AFF2: variants seen among roughly 807,000 people sequenced by gnomAD.
AFF2 encodes the protein AF4/FMR2 family member 2.
In AFF2, 14 loss-of-function variants were observed where a neutral mutation model predicts 76.9. That is an observed-to-expected ratio of 0.18 (90% CI 0.12 to 0.28). The LOEUF (loss-of-function observed/expected upper bound fraction) is 0.28. AFF2 is among the 10% of genes least tolerant of loss of function. The pLI, the probability that AFF2 is intolerant of heterozygous loss-of-function variation, is 1.00. For synonymous variants in AFF2, 398 were observed against 366.7 expected, an observed-to-expected ratio of 1.09 and a Z score of -0.98; for missense variants, 868 against 1,001.1, an observed-to-expected ratio of 0.87 and a Z score of 1.79.
chrX:148,557,269 T>C (rs2053062108), intron 1 of AFF2, among the ~76,000 whole-genome samples: 2 of 112,509 alleles, frequency 1.8e-5, no homozygotes, highest in African/African-American at 6.5e-5. Flanking sequence ...CATTGTCTTA[T>C]AGTTATACAT....
At chrX:148,670,954 T>C (rs963845883) in intron 3 of AFF2, among the ~76,000 whole-genome samples, 1 of 111,859 alleles carries the variant, frequency 8.9e-6, no homozygotes, top group African/African-American at 3.2e-5. Context: ...TTAAAGAGTA[T>C]GCAAATACTT....
At chrX:148,729,785 C>T (rs1557264530) in intron 3 of AFF2, among the ~76,000 whole-genome samples, 1 of 112,052 alleles carries the variant, frequency 8.9e-6, no homozygotes, top group Admixed American at 9.5e-5. Context: ...AGGCACTTTA[C>T]TCTCAATTGC....
At chrX:148,535,619 CTTTA>C (rs1250198595) in intron 1 of AFF2, among the ~76,000 whole-genome samples, 2 of 112,586 alleles carry the variant, frequency 1.8e-5, no homozygotes, top group African/African-American at 6.4e-5. Flanking sequence ...TATTATTTTT[CTTTA>C]TTTATTTTTA....
At chrX:148,987,311 C>T in intron 19 of AFF2, 56 bp from the exon 20 acceptor site, 1 of 1,086,043 alleles carries the variant, frequency 9.2e-7, no homozygotes, top group Non-Finnish European at 1.3e-6. Flanking sequence ...GGCCTAGAAC[C>T]CCACTGTCAC....
Position 148,951,327 on chromosome X carries a change from A to AT in AFF2, c.1398-2246dup, listed in dbSNP as rs782299144. On this transcript the variant is annotated intron_variant, in intron 9 of 20. Coordinates refer to ENST00000370460, the MANE Select transcript of AFF2 (RefSeq NM_002025.4). ...TGGTTTTGAAGGAGTAATCCCAGGG[A>AT]TTTTTTTGTTTCTTACAGAAGTTGC... Among the ~76,000 whole-genome samples, 5 of 110,370 alleles carry AT rather than the reference A, an allele frequency of 4.5e-5. No homozygotes were observed. In the East Asian group the frequency reaches 1.4e-3, roughly 31 times the overall value.
chrX:148,928,374 T>G (rs1011799190), intron 9 of AFF2, among the ~76,000 whole-genome samples: 3 of 112,583 alleles, frequency 2.7e-5, no homozygotes, highest in Admixed American at 1.9e-4. Context: ...GCTTACATTA[T>G]GTAGAGAGAC....
At chrX:148,502,236 C>T (rs2052362013) in intron 1 of AFF2, among the ~76,000 whole-genome samples, 1 of 112,229 alleles carries the variant, frequency 8.9e-6, no homozygotes, top group Non-Finnish European at 1.9e-5. Flanking sequence ...TTAGAATGAT[C>T]TGTAGTACCT....
chrX:148,760,342 A>G (rs1443471359), intron 3 of AFF2, among the ~76,000 whole-genome samples: 1 of 112,135 alleles, frequency 8.9e-6, no homozygotes, highest in Non-Finnish European at 1.9e-5. Context: ...GGAGTTTTCT[A>G]TGGGCCTTCT....
chrX:148,773,059 AAAAAAT>A (rs1285362004), intron 3 of AFF2, among the ~76,000 whole-genome samples: 2 of 110,853 alleles, frequency 1.8e-5, no homozygotes, highest in African/African-American at 3.3e-5. Context: ...AGAAATGAAG[AAAAAAT>A]AAAAATAAAG....
chrX:148,952,177 G>A (rs1264093980), intron 9 of AFF2, among the ~76,000 whole-genome samples: 3 of 111,438 alleles, frequency 2.7e-5, no homozygotes, highest in African/African-American at 9.8e-5. Flanking sequence ...AGAGGCTCTA[G>A]TGAGGGCATA....
At chrX:148,567,771 C>T (rs1287961800) in intron 1 of AFF2, among the ~76,000 whole-genome samples, 8 of 111,650 alleles carry the variant, frequency 7.2e-5, no homozygotes, top group Non-Finnish European at 1.1e-4. Flanking sequence ...GGTCAAATGA[C>T]GCTATAAATG....
At chrX:148,908,709 T>C (rs1557281711) in intron 9 of AFF2, among the ~76,000 whole-genome samples, 1 of 112,466 alleles carries the variant, frequency 8.9e-6, no homozygotes, top group Non-Finnish European at 1.9e-5. Context: ...CACAAATTGG[T>C]AAATATGAAC....
intron 15 of AFF2, among the ~76,000 whole-genome samples, chrX:148,971,731 AT>A (rs1356275911): frequency 1.2e-3 from 73 of 61,532 alleles, no homozygotes; most frequent in African/African-American, 3.9e-3. Context: ...CCTAGAAAAT[AT>A]TTTTTTTTCT....
chrX:148,669,478 C>A (rs1157799121), intron 3 of AFF2, among the ~76,000 whole-genome samples: 3 of 112,094 alleles, frequency 2.7e-5, no homozygotes, highest in Non-Finnish European at 5.6e-5. Context: ...AACGGACTTA[C>A]AGTTCCATGT....
chrX:148,504,989 A>C (rs1286325850), intron 1 of AFF2, among the ~76,000 whole-genome samples: 2 of 45,565 alleles, frequency 4.4e-5, no homozygotes, highest in African/African-American at 1.9e-4. Context: ...GGGTGGGGGG[A>C]GGGGAAGTCC....
At chrX:148,522,365 A>G (rs149677240) in intron 1 of AFF2, among the ~76,000 whole-genome samples, 1 of 112,539 alleles carries the variant, frequency 8.9e-6, no homozygotes, top group East Asian at 2.8e-4. Context: ...ACAGTTTCAC[A>G]TTATATGTGT....
chrX:148,614,782 CTT>C (rs1569552180), intron 1 of AFF2, among the ~76,000 whole-genome samples: 61 of 68,874 alleles, frequency 8.9e-4, no homozygotes, highest in African/African-American at 4.5e-3. Flanking sequence ...TTCTTTCTTT[CTT>C]TCTTTCTTCC....
At chrX:148,764,228 G>T (rs1188951954) in intron 3 of AFF2, among the ~76,000 whole-genome samples, 1 of 111,973 alleles carries the variant, frequency 8.9e-6, no homozygotes, top group Non-Finnish European at 1.9e-5. Context: ...TCATCTGACA[G>T]GAACAGTTAC....
intron 16 of AFF2, among the ~76,000 whole-genome samples, chrX:148,974,126 G>A (rs1440831327): frequency 4.5e-5 from 5 of 110,267 alleles, no homozygotes; most frequent in East Asian, 5.7e-4. Context: ...AGGGGCTGGC[G>A]GTACAGATGA....
Sources: allele counts gnomAD v4.1 joint callset (sites outside exome capture counted in the v4.1 genomes callset), GRCh38; gene constraint gnomAD v4.1.1; transcripts MANE v1.5; gene names NCBI Gene and HGNC (gene_info 2026-07-23, HGNC 2026-07-21).